The following RASA3 variants were observed in gnomAD, a reference collection of about 807,000 sequenced individuals.
RASA3 encodes the protein RAS p21 protein activator 3.
RASA3 carries 73 observed loss-of-function variants against 110.0 expected under a neutral mutation model. The observed-to-expected ratio is 0.66, with a 90% CI of 0.55 to 0.81. The LOEUF is 0.81. Among genes scored for constraint, RASA3 ranks in the 30% least tolerant of loss-of-function variants. RASA3 has a pLI of 0.00. For synonymous variants in RASA3, 500 were observed against 451.4 expected (o/e 1.11, Z -1.37); for missense variants, 976 against 1,113.2 (o/e 0.88, Z 1.75).
At chr13:114,050,795 C>T (rs890865454) in intron 3 of RASA3, among the ~76,000 whole-genome samples, 5 of 152,244 alleles carry the variant, frequency 3.3e-5, no homozygotes, top group East Asian at 3.8e-4. Context: ...AGCTGCCGGC[C>T]GCCCAGTGGG....
intron 9 of RASA3, among the ~76,000 whole-genome samples, chr13:114,020,411 A>G (rs926775519): frequency 1.3e-5 from 2 of 152,206 alleles, no homozygotes; most frequent in African/African-American, 4.8e-5. Context: ...CCAGGGATTC[A>G]TTCAGCATAG....
intron 8 of RASA3, among the ~76,000 whole-genome samples, chr13:114,022,639 C>T (rs1223156132): frequency 1.3e-5 from 2 of 152,230 alleles, no homozygotes; most frequent in African/African-American, 4.8e-5. Flanking sequence ...CAGGAACCCA[C>T]AGCGCGTTCC....
chr13:114,080,864 CGTGT>C (rs1594436330), intron 1 of RASA3, among the ~76,000 whole-genome samples: 31 of 146,484 alleles, frequency 2.1e-4, no homozygotes, highest in East Asian at 4.2e-4. Flanking sequence ...CCAATAGTGC[CGTGT>C]GGCAGAGGGC....
intron 4 of RASA3, among the ~76,000 whole-genome samples, chr13:114,034,206 A>G (rs2054237056): frequency 6.6e-6 from 1 of 152,258 alleles, no homozygotes; most frequent in Non-Finnish European, 1.5e-5. Context: ...ACCACCAAAG[A>G]CAGGAGAAAG....
At chr13:114,130,201 T>C (rs1415001943) in intron 1 of RASA3, among the ~76,000 whole-genome samples, 1 of 152,000 alleles carries the variant, frequency 6.6e-6, no homozygotes, top group Non-Finnish European at 1.5e-5. Flanking sequence ...ATGCAGGAGG[T>C]GCCCTGTCTC....
rs1370844959 is a variant in RASA3, at chr13:113,978,945, C to A, written c.*402G>T. On this transcript the variant is annotated 3_prime_UTR_variant, in exon 24 of 24. Coordinates refer to ENST00000334062, the MANE Select transcript of RASA3 (RefSeq NM_007368.4). ...AGAGCCCAGCGTCACACGCACCGTG[C>A]ACGCAAGACAGACGTGCACGAGACT... is the stretch of plus-strand genomic sequence containing the variant. The A allele has an allele frequency of 4.2e-6, 1 of 239,650 alleles. No individual in the cohort carries two copies. Among genetic ancestry groups the A allele is most frequent in the African/African-American group, 2.2e-5 (1 of 44,600 alleles). The allele number at this position is 239,650 out of a possible 1,614,324, so 14.8% of individuals were successfully genotyped here.
intron 7 of RASA3, among the ~76,000 whole-genome samples, chr13:114,025,476 G>A (rs2054009538): frequency 6.7e-6 from 1 of 149,740 alleles, no homozygotes; most frequent in African/African-American, 2.5e-5. Flanking sequence ...GCCTCCTCCA[G>A]GAAGCCCCCA....
chr13:114,015,867 G>A (rs896680638), intron 13 of RASA3, among the ~76,000 whole-genome samples: 1 of 152,136 alleles, frequency 6.6e-6, no homozygotes, highest in African/African-American at 2.4e-5. Context: ...GGTCAGGATT[G>A]TCCAGGGGAG....
At chr13:114,079,037 G>A (rs1325461603) in intron 1 of RASA3, among the ~76,000 whole-genome samples, 2 of 152,238 alleles carry the variant, frequency 1.3e-5, no homozygotes, top group Admixed American at 6.5e-5. Flanking sequence ...AGCAGCGGGC[G>A]TCTCCCAGGC....
chr13:114,090,960 T>G (rs375225680), intron 1 of RASA3, among the ~76,000 whole-genome samples: 132 of 152,298 alleles, frequency 8.7e-4, no homozygotes, highest in African/African-American at 2.8e-3. Context: ...TTTGGTGGTG[T>G]TATTGTTCAG....
chr13:113,994,906 C>A (rs746867421), intron 21 of RASA3, among the ~76,000 whole-genome samples: 2 of 152,090 alleles, frequency 1.3e-5, no homozygotes, highest in African/African-American at 2.4e-5. Flanking sequence ...CCTAGGAGGT[C>A]GAGGCTGCAG....
At chr13:113,992,739 A>G in intron 21 of RASA3, 151 bp from the exon 22 acceptor site, 1 of 675,150 alleles carries the variant, frequency 1.5e-6, no homozygotes, top group Non-Finnish European at 2.6e-6. Context: ...CCGTCTGTGC[A>G]CAGCCGGTGT....
In RASA3 at chr13:114,009,377, C is replaced by G; in HGVS notation, c.1668+10G>C. The stretch of plus-strand genomic sequence containing the variant: ...GCACACGGGCGGTCGGAGGGTGAGT[C>G]GATACTTACGTTCTTCACCGCATCA... On this transcript the variant is annotated intron_variant, in intron 17 of 23. Transcript: ENST00000334062. The G allele has an allele frequency of 2.5e-6, 4 of 1,607,592 alleles. No homozygotes were observed. Among genetic ancestry groups the G allele is most frequent in the Non-Finnish European group, 3.4e-6 (4 of 1,175,210 alleles).
At position 114,041,045 on chromosome 13, in the gene RASA3, G is replaced by C. The variant is rs1296847964; in HGVS notation, c.327C>G (p.Asp109Glu). ...KEDLQKYHNRDTWFQLQHVDA... is the reference protein window; with the variant it reads ...KEDLQKYHNRETWFQLQHVDA... The stretch of plus-strand genomic sequence containing the variant: ...CCACGTGCTGCAGCTGGAACCAGGT[G>C]TCCCTGTTGTGGTACTTCTGCAAGT... Residue 109 changes from aspartate (D) to glutamate (E), a missense_variant, in exon 4 of 24, where the codon GAC becomes GAG. Coordinates refer to ENST00000334062, the MANE Select transcript of RASA3 (RefSeq NM_007368.4). The C allele has an allele frequency of 6.2e-7, 1 of 1,613,850 alleles. No individual in the cohort carries two copies. The highest frequency in any genetic ancestry group is 1.1e-5 in the South Asian group (1 of 91,086).
intron 23 of RASA3, among the ~76,000 whole-genome samples, chr13:113,981,201 C>T (rs955860658): frequency 1.1e-4 from 17 of 152,228 alleles, no homozygotes; most frequent in African/African-American, 4.1e-4. Context: ...GCCACCTAGC[C>T]TGCAGCTGGT....
rs972973405 is a variant in RASA3, at chr13:114,106,588, G to A, written c.55+25847C>T. ...TAAATAAATGCCCATTTTACTTAGCGTAGGTGTAGAAATTCACACCCAAGT... is the reference window on the plus strand; with the variant it reads ...TAAATAAATGCCCATTTTACTTAGCATAGGTGTAGAAATTCACACCCAAGT... On this transcript the variant is annotated intron_variant, in intron 1 of 23. Coordinates refer to ENST00000334062, the MANE Select transcript of RASA3 (RefSeq NM_007368.4). Among the ~76,000 whole-genome samples the A allele has an allele frequency of 8.5e-5, 13 of 152,162 alleles. No homozygotes were observed. The East Asian group carries it at 9.6e-4, about 11-fold the overall frequency.
At chr13:114,092,361 G>A (rs2079898940) in intron 1 of RASA3, among the ~76,000 whole-genome samples, 1 of 151,990 alleles carries the variant, frequency 6.6e-6, no homozygotes, top group African/African-American at 2.4e-5. Flanking sequence ...GGTATGTTAT[G>A]TTTCCATTTT....
At chr13:114,055,654 C>T (rs1409069368) in intron 2 of RASA3, among the ~76,000 whole-genome samples, 2 of 152,246 alleles carry the variant, frequency 1.3e-5, no homozygotes, top group African/African-American at 4.8e-5. Context: ...GAGCAACTTT[C>T]AGGGCCACTG....
intron 8 of RASA3, 36 bp from the exon 9 acceptor site, chr13:114,021,544 C>T (rs376996300): frequency 1.3e-4 from 199 of 1,571,980 alleles, no homozygotes; most frequent in Non-Finnish European, 1.6e-4. Context: ...TAGCTGACGG[C>T]GGGCAGCCCG....
Sources: allele counts gnomAD v4.1 joint callset (sites outside exome capture counted in the v4.1 genomes callset), GRCh38; gene constraint gnomAD v4.1.1; transcripts MANE v1.5; gene names NCBI Gene and HGNC (gene_info 2026-07-23, HGNC 2026-07-21).